The following ACER3 variants were observed in gnomAD, a reference collection of about 807,000 sequenced individuals.
ACER3 encodes the protein alkCDase 3.
In ACER3, 16 loss-of-function variants were observed where a neutral mutation model predicts 48.9. The ratio of observed to expected loss-of-function variants is 0.33; its 90% CI spans 0.22 to 0.50. The LOEUF is 0.50. ACER3 is among the 20% of genes least tolerant of loss of function. The probability of loss-of-function intolerance (pLI) is 0.98; values close to 1 mark genes in which losing one functional copy is unlikely to be tolerated. For missense variants in ACER3, 227 were observed against 326.0 expected, an observed-to-expected ratio of 0.70 and a Z score of 2.34; for synonymous variants, 109 against 107.8, an observed-to-expected ratio of 1.01 and a Z score of -0.07.
chr11:76,991,252 G>T (rs768192664), intron 6 of ACER3, among the ~76,000 whole-genome samples: 4 of 152,158 alleles, frequency 2.6e-5, no homozygotes, highest in African/African-American at 9.7e-5. Context: ...TTATAACCTA[G>T]ATTTGTCTGA....
chr11:76,935,076 T>G (rs1947138666), intron 2 of ACER3, among the ~76,000 whole-genome samples: 1 of 152,120 alleles, frequency 6.6e-6, no homozygotes, highest in South Asian at 2.1e-4. Flanking sequence ...AAATTAGAAT[T>G]CATCGAACTT....
At chr11:76,975,441 C>CTAA (rs936051918) in intron 3 of ACER3, among the ~76,000 whole-genome samples, 6 of 151,758 alleles carry the variant, frequency 4.0e-5, no homozygotes, top group Non-Finnish European at 8.8e-5. Context: ...ATTATCATTG[C>CTAA]TAATAATAAT....
At chr11:76,893,319 A>G (rs1945853374) in intron 1 of ACER3, among the ~76,000 whole-genome samples, 1 of 152,068 alleles carries the variant, frequency 6.6e-6, no homozygotes, top group South Asian at 2.1e-4. Context: ...GCAGGGAGCT[A>G]TGATCACGCC....
chr11:76,945,145 T>G (rs1053518789), intron 2 of ACER3, among the ~76,000 whole-genome samples: 3 of 152,100 alleles, frequency 2.0e-5, no homozygotes, highest in African/African-American at 7.2e-5. Flanking sequence ...TTGTATTGGT[T>G]CTCAGATTTC....
chr11:76,928,963 T>C (rs1946915782), intron 2 of ACER3, among the ~76,000 whole-genome samples: 1 of 152,210 alleles, frequency 6.6e-6, no homozygotes, highest in Admixed American at 6.5e-5. Flanking sequence ...TAGTTCCATA[T>C]GAACTTTAAA....
intron 2 of ACER3, among the ~76,000 whole-genome samples, chr11:76,944,301 T>C (rs571327241): frequency 4.6e-5 from 7 of 152,306 alleles, no homozygotes; most frequent in South Asian, 4.1e-4. Context: ...ATAAGACTTA[T>C]GAGTTTTATA....
intron 1 of ACER3, among the ~76,000 whole-genome samples, chr11:76,878,619 T>C (rs1486252681): frequency 6.6e-6 from 1 of 152,246 alleles, no homozygotes; most frequent in East Asian, 1.9e-4. Context: ...TTGGCTATTA[T>C]GCATGAAGTT....
At chr11:76,921,113 C>A (rs1946675874) in intron 1 of ACER3, among the ~76,000 whole-genome samples, 1 of 151,962 alleles carries the variant, frequency 6.6e-6, no homozygotes, top group Non-Finnish European at 1.5e-5. Flanking sequence ...ACCTTTTATT[C>A]TTTTTTCCTG....
At chr11:76,966,690 C>T (rs1413002548) in intron 3 of ACER3, among the ~76,000 whole-genome samples, 2 of 149,930 alleles carry the variant, frequency 1.3e-5, no homozygotes, top group Non-Finnish European at 3.0e-5. Flanking sequence ...AACTGAACAA[C>T]CTGCTCCTGA....
rs1949483160 is a variant in ACER3, at chr11:77,022,205, G to C, written c.*1878G>C. The stretch of plus-strand genomic sequence containing the variant: ...ATAAAGGCATATCGTACATGGCAAT[G>C]CTGTTAAACATGGTAAGACTGAGGT... On this transcript the variant is annotated 3_prime_UTR_variant, in exon 11 of 11. Coordinates refer to ENST00000532485, the MANE Select transcript of ACER3 (RefSeq NM_018367.7). 6.6e-6 allele frequency: 1 copy of C among 152,220 alleles called. No homozygotes were observed. Among genetic ancestry groups the C allele is most frequent in the African/African-American group, 2.4e-5 (1 of 41,462 alleles). 9.4% of individuals were successfully genotyped at this position (152,220 alleles called of 1,614,324 possible).
chr11:76,881,236 C>T (rs1358280522), intron 1 of ACER3, among the ~76,000 whole-genome samples: 2 of 135,818 alleles, frequency 1.5e-5, no homozygotes, highest in East Asian at 2.1e-4. Flanking sequence ...GCCTGGATGA[C>T]AGAGTAAGAT....
At chr11:76,985,547 TATC>T (rs1431155736) in intron 4 of ACER3, 93 bp from the exon 5 acceptor site, 2 of 714,772 alleles carry the variant, frequency 2.8e-6, no homozygotes, top group Non-Finnish European at 2.2e-6. Flanking sequence ...GGATATCACT[TATC>T]ATCGAGAGAT....
At chr11:76,973,179 A>G (rs1429528386) in intron 3 of ACER3, among the ~76,000 whole-genome samples, 1 of 152,206 alleles carries the variant, frequency 6.6e-6, no homozygotes, top group African/African-American at 2.4e-5. Context: ...ATTCCCCTGA[A>G]GTTGACCCCT....
At chr11:76,992,292 TAAGA>T (rs1016755992) in intron 6 of ACER3, among the ~76,000 whole-genome samples, 8 of 152,178 alleles carry the variant, frequency 5.3e-5, no homozygotes, top group African/African-American at 1.9e-4. Context: ...TTGCCTTTAC[TAAGA>T]AAGAAAAATA....
In ACER3 at chr11:76,942,096, G is replaced by A. The variant is rs577844283; in HGVS notation, c.214+15429G>A. Among the ~76,000 whole-genome samples the A allele has an allele frequency of 5.3e-5, 8 of 152,082 alleles. No individual in the cohort carries two copies. The South Asian group carries it at 1.7e-3, about 32-fold the overall frequency. On this transcript the variant is annotated intron_variant, in intron 2 of 10. Transcript: ENST00000532485. ...AGTCTTTAGGATTGTCTGGATATAA[G>A]ATTATATAGTCAGCAAACAGGGCTA...
At chr11:76,936,722 T>C (rs1947196299) in intron 2 of ACER3, among the ~76,000 whole-genome samples, 1 of 32,576 alleles carries the variant, frequency 3.1e-5, no homozygotes, top group African/African-American at 4.6e-5. Flanking sequence ...TCTTTCTTTC[T>C]TTTTTTTTTT....
intron 1 of ACER3, among the ~76,000 whole-genome samples, chr11:76,914,924 A>C (rs1296292855): frequency 1.3e-5 from 2 of 152,188 alleles, no homozygotes; most frequent in African/African-American, 4.8e-5. Context: ...GGAAACCATC[A>C]TTCTCAGCAA....
intron 1 of ACER3, among the ~76,000 whole-genome samples, chr11:76,894,278 C>T (rs1565163163): frequency 6.6e-6 from 1 of 152,152 alleles, no homozygotes; most frequent in Non-Finnish European, 1.5e-5. Flanking sequence ...GACCCTGTCT[C>T]AAAAACAAAC....
Position 77,020,329 on chromosome 11 carries a change from G to C in ACER3, c.*2G>C. On this transcript the variant is annotated 3_prime_UTR_variant, in exon 11 of 11. Transcript: ENST00000532485. ...TTTGAGCCTCTCAGGAAGCATTGAT[G>C]AATCATTCCACCAAGAAAACAAACA... 1 of 1,613,304 alleles carries C rather than the reference G, an allele frequency of 6.2e-7. No homozygotes were observed. Among genetic ancestry groups the C allele is most frequent in the Non-Finnish European group, 8.5e-7 (1 of 1,179,852 alleles).
Sources: gnomAD v4.1 joint callset for allele counts (sites outside exome capture counted in the v4.1 genomes callset) on GRCh38, gnomAD v4.1.1 for gene constraint, MANE v1.5 for transcripts, NCBI Gene and HGNC (gene_info 2026-07-23, HGNC 2026-07-21) for gene names.